Variants in SLC38A9 observed in about 807,000 individuals in gnomAD.
SLC38A9 encodes the protein neutral amino acid transporter 9.
A neutral mutation model predicts 62.3 loss-of-function variants in SLC38A9; 48 were observed. The ratio of observed to expected loss-of-function variants is 0.77; its 90% CI spans 0.61 to 0.98. The LOEUF (loss-of-function observed/expected upper bound fraction) is 0.98. Ranked by LOEUF, SLC38A9 falls within the 50% of genes least tolerant of loss-of-function variation. SLC38A9 has a pLI of 0.00. For missense variants in SLC38A9, 541 were observed against 679.8 expected (o/e 0.80, Z 2.27); for synonymous variants, 204 against 227.7 (o/e 0.90, Z 0.94).
At chr5:55,697,770 A>G (rs1374470761) in intron 3 of SLC38A9, 76 bp downstream of exon 3, 3 of 686,828 alleles carry the variant, frequency 4.4e-6, no homozygotes, top group Non-Finnish European at 7.1e-6. Flanking sequence ...AAATCTATAC[A>G]TGTTTGGTTA....
chr5:55,630,625 A>T (rs1743276139), intron 14 of SLC38A9, among the ~76,000 whole-genome samples: 1 of 152,068 alleles, frequency 6.6e-6, no homozygotes, highest in Admixed American at 6.6e-5. Context: ...TAAATTAAAA[A>T]TTTTTTGAAA....
At position 55,633,998 on chromosome 5, in the gene SLC38A9, C is replaced by T. The variant is rs1396810463; in HGVS notation, c.1282-96G>A. ...CTTCTGCTTATTTTGAACACAGGTG[C>T]TACTCCGATTGTGGTTTGTGGACTA... On this transcript the variant is annotated intron_variant, in intron 13 of 15. Coordinates refer to ENST00000396865, the MANE Select transcript of SLC38A9 (RefSeq NM_173514.4). 1.1e-5 allele frequency: 10 copies of T among 915,710 alleles called. No homozygotes were observed. In the African/African-American group the frequency reaches 1.7e-4, roughly 15 times the overall value. 56.7% of individuals were successfully genotyped at this position (915,710 alleles called of 1,614,324 possible).
At chr5:55,629,327 T>C (rs1229329923) in intron 14 of SLC38A9, among the ~76,000 whole-genome samples, 1 of 152,160 alleles carries the variant, frequency 6.6e-6, no homozygotes, top group Non-Finnish European at 1.5e-5. Flanking sequence ...ACCTCCTGAA[T>C]AGCTGGGACT....
chr5:55,653,359 G>GCCAGAGAGAA (rs1747869993), intron 9 of SLC38A9, among the ~76,000 whole-genome samples: 1 of 152,142 alleles, frequency 6.6e-6, no homozygotes, highest in African/African-American at 2.4e-5. Flanking sequence ...TACTGGGCTG[G>GCCAGAGAGAA]ATGGTATTTG....
intron 14 of SLC38A9, among the ~76,000 whole-genome samples, chr5:55,631,558 A>T (rs1245539847): frequency 6.6e-6 from 1 of 152,222 alleles, no homozygotes; most frequent in Non-Finnish European, 1.5e-5. Flanking sequence ...AGAGGCTTAC[A>T]TTTATTGAGC....
At position 55,669,228 on chromosome 5, in the gene SLC38A9, A is replaced by C; in HGVS notation, c.526T>G (p.Phe176Val). The C allele has an allele frequency of 6.2e-7, 1 of 1,607,948 alleles. No homozygotes were observed. The highest frequency in any genetic ancestry group is 2.2e-5 in the East Asian group (1 of 44,742). ...TATTGTCACTGTGTCAAATTCTTAC[A>C]CATCATAGTCCGTGATTTCACTACT... ...YRVVKSRTMM[F>V]SLDTTSWEYP... Residue 176 changes from phenylalanine to valine, a missense_variant and splice_region_variant, in exon 7 of 16, where the codon TTT becomes GTT. By Grantham distance (50) the Phe-to-Val change is conservative. Coordinates refer to ENST00000396865, the MANE Select transcript of SLC38A9 (RefSeq NM_173514.4).
At chr5:55,666,653 G>A (rs188563691) in intron 7 of SLC38A9, among the ~76,000 whole-genome samples, 118 of 152,332 alleles carry the variant, frequency 7.7e-4, no homozygotes, top group African/African-American at 2.6e-3. Context: ...AGCACTTCGG[G>A]AGGCTGAGGC....
chr5:55,680,213 ATC>A (rs201890377), intron 3 of SLC38A9, among the ~76,000 whole-genome samples: 86,681 of 150,612 alleles, frequency 0.58, 25,475 homozygotes, highest in South Asian at 0.69. Context: ...CAGTGTATAT[ATC>A]TATATATATA....
intron 9 of SLC38A9, among the ~76,000 whole-genome samples, chr5:55,654,277 A>G (rs1319225691): frequency 6.6e-6 from 1 of 151,956 alleles, no homozygotes; most frequent in Non-Finnish European, 1.5e-5. Flanking sequence ...TTTTTCTTCT[A>G]CGCTCTAGAC....
At chr5:55,652,816 C>A in intron 9 of SLC38A9, 93 bp from the exon 10 acceptor site, 1 of 1,001,488 alleles carries the variant, frequency 1.0e-6, no homozygotes, top group Non-Finnish European at 1.4e-6. Flanking sequence ...GAGACAGACA[C>A]TTGCTCTACC....
At chr5:55,657,640 G>C (rs1463823401) in intron 8 of SLC38A9, among the ~76,000 whole-genome samples, 1 of 152,176 alleles carries the variant, frequency 6.6e-6, no homozygotes, top group African/African-American at 2.4e-5. Flanking sequence ...TCATTCTACA[G>C]TGAAAGAGAG....
chr5:55,651,425 T>C (rs1747464921), intron 10 of SLC38A9, among the ~76,000 whole-genome samples: 2 of 151,826 alleles, frequency 1.3e-5, no homozygotes, highest in African/African-American at 2.4e-5. Context: ...AATTTTTCTA[T>C]TTTTAGTAGA....
chr5:55,688,306 T>C (rs1169549828), intron 3 of SLC38A9, among the ~76,000 whole-genome samples: 1 of 151,748 alleles, frequency 6.6e-6, no homozygotes, highest in Non-Finnish European at 1.5e-5. Flanking sequence ...TGAATAGGAG[T>C]AGTGAGGGAG....
intron 14 of SLC38A9, 142 bp downstream of exon 14, chr5:55,633,612 A>G: frequency 9.0e-7 from 1 of 1,109,160 alleles, no homozygotes; most frequent in Non-Finnish European, 1.3e-6. Flanking sequence ...TCTTCAGGGA[A>G]GAGGACACCA....
intron 2 of SLC38A9, among the ~76,000 whole-genome samples, chr5:55,708,940 C>G (rs1757646120): frequency 1.3e-5 from 2 of 152,168 alleles, no homozygotes; most frequent in African/African-American, 2.4e-5. Flanking sequence ...AACATAAAAG[C>G]AAATGGAACC....
At position 55,656,692 on chromosome 5, in the gene SLC38A9, AAAC is replaced by A. The variant is rs764612082; in HGVS notation, c.757+20_757+22del. 30 of 1,561,950 alleles carry A rather than the reference AAAC, an allele frequency of 1.9e-5. No individual in the cohort carries two copies. The Admixed American group carries it at 4.8e-4, about 25-fold the overall frequency. On this transcript the variant is annotated intron_variant, in intron 9 of 15. Coordinates refer to ENST00000396865, the MANE Select transcript of SLC38A9 (RefSeq NM_173514.4). ...GGAGCAAGGTGGAGAGTAAAGAAAC[AAAC>A]AACATCCCAAACTACTTACCAGGGT...
At chr5:55,679,137 G>A in intron 3 of SLC38A9, among the ~76,000 whole-genome samples, 1 of 94,834 alleles carries the variant, frequency 1.1e-5, no homozygotes, top group Non-Finnish European at 2.6e-5. Flanking sequence ...ATGTTTTATA[G>A]AGTATATAAT....
At chr5:55,711,184 T>A (rs891814168) in intron 2 of SLC38A9, among the ~76,000 whole-genome samples, 36 of 150,716 alleles carry the variant, frequency 2.4e-4, no homozygotes, top group African/African-American at 8.0e-4. Flanking sequence ...TCCTAGCTAC[T>A]CAGGAGGGTG....
chr5:55,707,680 T>C (rs1364598816), intron 2 of SLC38A9, among the ~76,000 whole-genome samples: 1 of 152,218 alleles, frequency 6.6e-6, no homozygotes, highest in African/African-American at 2.4e-5. Flanking sequence ...ATCTAAGTCA[T>C]TAAATGAGTC....
Sources: allele counts gnomAD v4.1 joint callset (sites outside exome capture counted in the v4.1 genomes callset), GRCh38; gene constraint gnomAD v4.1.1; transcripts MANE v1.5; gene names NCBI Gene and HGNC (gene_info 2026-07-23, HGNC 2026-07-21).